CLASP1: variants seen among roughly 807,000 people sequenced by gnomAD.
The protein encoded by CLASP1 is cytoplasmic linker associated protein 1.
A neutral mutation model predicts 192.3 loss-of-function variants in CLASP1; 38 were observed. That is an observed-to-expected ratio of 0.20 (90% CI 0.15 to 0.26). The LOEUF (loss-of-function observed/expected upper bound fraction) is 0.26. CLASP1 is among the 10% of genes least tolerant of loss of function. The pLI is 1.00. For missense variants in CLASP1, 1,433 were observed against 1,932.5 expected (o/e 0.74, Z 4.85); for synonymous variants, 691 against 712.8 (o/e 0.97, Z 0.49).
chr2:121,562,302 T>C (rs1353850333), intron 2 of CLASP1, among the ~76,000 whole-genome samples: 2 of 152,210 alleles, frequency 1.3e-5, no homozygotes, highest in African/African-American at 2.4e-5. Flanking sequence ...GGAACAAACA[T>C]GTGCTGAAGG....
intron 30 of CLASP1, among the ~76,000 whole-genome samples, chr2:121,396,527 C>T (rs749388404): frequency 5.3e-5 from 8 of 152,172 alleles, no homozygotes; most frequent in Non-Finnish European, 1.0e-4. Flanking sequence ...AGTCCTAGTT[C>T]AAATATTCTA....
chr2:121,582,492 A>AGGGAGGGAGAAAGAAAGAGAG (rs2061307801), intron 2 of CLASP1, among the ~76,000 whole-genome samples: 1 of 150,330 alleles, frequency 6.7e-6, no homozygotes, highest in Non-Finnish European at 1.5e-5. Flanking sequence ...GAAGGAAAGA[A>AGGGAGGGAGAAAGAAAGAGAG]GGGAGGGAGA....
chr2:121,587,228 G>A (rs773647438), intron 2 of CLASP1, among the ~76,000 whole-genome samples: 2 of 152,004 alleles, frequency 1.3e-5, no homozygotes, highest in Admixed American at 6.6e-5. Context: ...GCAACGCGGC[G>A]AGACTCTGTT....
intron 19 of CLASP1, among the ~76,000 whole-genome samples, chr2:121,443,676 A>AC (rs1283368137): frequency 6.6e-6 from 1 of 152,196 alleles, no homozygotes; most frequent in Non-Finnish European, 1.5e-5. Flanking sequence ...CCTAAGAACC[A>AC]CCAGTGAGGC....
chr2:121,462,456 T>A (rs114715944), intron 10 of CLASP1, 76 bp downstream of exon 10: 4 of 815,152 alleles, frequency 4.9e-6, no homozygotes, highest in Non-Finnish European at 8.1e-6. Flanking sequence ...CAACATTACA[T>A]AGGCAGAATT....
chr2:121,381,317 A>G (rs948991529), intron 33 of CLASP1, among the ~76,000 whole-genome samples: 1 of 149,320 alleles, frequency 6.7e-6, no homozygotes, highest in African/African-American at 2.5e-5. Flanking sequence ...TTTTTTTTTT[A>G]ACCCTTTTCC....
intron 1 of CLASP1, among the ~76,000 whole-genome samples, chr2:121,628,243 G>A (rs2068753721): frequency 6.6e-6 from 1 of 152,162 alleles, no homozygotes; most frequent in South Asian, 2.1e-4. Context: ...CAGCAGCTCG[G>A]TTTCCAAAAC....
chr2:121,534,594 A>G (rs1413050552), intron 2 of CLASP1, among the ~76,000 whole-genome samples: 1 of 151,876 alleles, frequency 6.6e-6, no homozygotes, highest in African/African-American at 2.4e-5. Context: ...CTGGAGTGCA[A>G]TGGCACGATC....
At chr2:121,406,515 A>C (rs780078217) in intron 25 of CLASP1, among the ~76,000 whole-genome samples, 47 of 152,238 alleles carry the variant, frequency 3.1e-4, no homozygotes, top group Non-Finnish European at 5.4e-4. Context: ...CATACTGTAC[A>C]GGAAGATTTC....
chr2:121,553,217 G>A (rs2058203702), intron 2 of CLASP1, among the ~76,000 whole-genome samples: 2 of 152,042 alleles, frequency 1.3e-5, no homozygotes, highest in Admixed American at 6.6e-5. Flanking sequence ...GGAGGGAGAG[G>A]AGCAGAAAAG....
intron 14 of CLASP1, among the ~76,000 whole-genome samples, 172 bp downstream of exon 14, chr2:121,457,515 T>C (rs1456824355): frequency 6.6e-6 from 1 of 151,410 alleles, no homozygotes; most frequent in East Asian, 1.9e-4. Flanking sequence ...TTGTCCACAT[T>C]CATTTCCCAA....
intron 8 of CLASP1, among the ~76,000 whole-genome samples, chr2:121,496,200 G>C (rs1488178693): frequency 6.6e-6 from 1 of 152,222 alleles, no homozygotes; most frequent in African/African-American, 2.4e-5. Flanking sequence ...TTGTTGCCTA[G>C]TCCTTAGCTG....
chr2:121,517,751 TG>T (rs113779793), intron 6 of CLASP1, among the ~76,000 whole-genome samples: 1 of 147,324 alleles, frequency 6.8e-6, no homozygotes, highest in Non-Finnish European at 1.5e-5. Flanking sequence ...CCTACCTACT[TG>T]GGGGGGCCTG....
chr2:121,411,084 C>T, intron 23 of CLASP1, 115 bp from the exon 25 acceptor site: 1 of 635,690 alleles, frequency 1.6e-6, no homozygotes, highest in Non-Finnish European at 2.7e-6. Context: ...AAGTCTCTAG[C>T]CAATTTTAAC....
At chr2:121,391,402 C>T (rs2074320985) in intron 30 of CLASP1, among the ~76,000 whole-genome samples, 1 of 152,122 alleles carries the variant, frequency 6.6e-6, no homozygotes, top group South Asian at 2.1e-4. Context: ...CAGAAAGTGC[C>T]TAAACATGGC....
intron 33 of CLASP1, among the ~76,000 whole-genome samples, chr2:121,378,754 G>C (rs754732572): frequency 4.1e-4 from 62 of 152,116 alleles, no homozygotes; most frequent in Non-Finnish European, 1.5e-4. Flanking sequence ...AGGATTGCTA[G>C]GGACACGCGA....
chr2:121,580,217 T>C (rs1319630883), intron 2 of CLASP1, among the ~76,000 whole-genome samples: 1 of 152,180 alleles, frequency 6.6e-6, no homozygotes, highest in Non-Finnish European at 1.5e-5. Flanking sequence ...TTCCCTAATT[T>C]CAGAACTGCA....
chr2:121,360,990 A>G (rs1461238941), intron 37 of CLASP1, among the ~76,000 whole-genome samples: 2 of 152,234 alleles, frequency 1.3e-5, no homozygotes, highest in African/African-American at 4.8e-5. Context: ...CCCAAGAAAA[A>G]AGCAAATAAC....
chr2:121,643,648 G>T (rs1388463527), intron 1 of CLASP1, among the ~76,000 whole-genome samples: 1 of 152,160 alleles, frequency 6.6e-6, no homozygotes, highest in Non-Finnish European at 1.5e-5. Flanking sequence ...CAAAAAAAGG[G>T]TAACAGTGTG....
Sources: allele counts gnomAD v4.1 joint callset (sites outside exome capture counted in the v4.1 genomes callset), GRCh38; gene constraint gnomAD v4.1.1; transcripts MANE v1.5; gene names NCBI Gene and HGNC (gene_info 2026-07-23, HGNC 2026-07-21).